Variants in SDK2 observed in about 807,000 individuals in gnomAD.
SDK2 encodes sidekick cell adhesion molecule 2.
A neutral mutation model predicts 253.9 loss-of-function variants in SDK2; 105 were observed. That is an observed-to-expected ratio of 0.41 (90% confidence interval 0.35 to 0.49). The LOEUF (loss-of-function observed/expected upper bound fraction) is 0.49. SDK2 is among the 20% of genes least tolerant of loss of function. The pLI, the probability that SDK2 is intolerant of heterozygous loss-of-function variation, is 0.06. For missense variants in SDK2, 2,608 were observed against 3,003.0 expected (o/e 0.87, Z 3.07); for synonymous variants, 1,249 against 1,234.9 (o/e 1.01, Z -0.24).
chr17:73,572,804 T>C (rs1037474452), intron 1 of SDK2, among the ~76,000 whole-genome samples: 3 of 152,190 alleles, frequency 2.0e-5, no homozygotes, highest in African/African-American at 7.2e-5. Flanking sequence ...TCATGACTGA[T>C]GTGTCTTCCA....
At position 73,401,989 on chromosome 17, in the gene SDK2, G is replaced by A. The variant is rs1362307292; in HGVS notation, c.2637C>T (p.Asp879=). The A allele has an allele frequency of 9.3e-6, 15 of 1,613,272 alleles. No individual in the cohort carries two copies. The East Asian group carries it at 2.2e-4, about 24-fold the overall frequency. Residue 879 remains aspartate, a synonymous_variant, in exon 19 of 45, where the codon GAC becomes GAT. Transcript: ENST00000392650. ...CCAGCTGCGGGGTGCTGCGTGGCCC[G>A]TCCCCGGGGGTGGTGAAACACAGCA... is the stretch of plus-strand genomic sequence containing the variant. The part of the protein sequence containing the change: ...TSVLCFTTPG[D]GPRSTPQLVR...
At chr17:73,563,071 C>T (rs1297073999) in intron 1 of SDK2, among the ~76,000 whole-genome samples, 1 of 152,214 alleles carries the variant, frequency 6.6e-6, no homozygotes, top group Non-Finnish European at 1.5e-5. Context: ...TGCCGCCCCA[C>T]CCTGGTCCTC....
chr17:73,539,668 G>A (rs2044834264), intron 1 of SDK2, among the ~76,000 whole-genome samples: 1 of 152,226 alleles, frequency 6.6e-6, no homozygotes, highest in South Asian at 2.1e-4. Context: ...ATACAGTGAA[G>A]CCCTCAGTCC....
rs747167430 is a variant in SDK2, at chr17:73,447,621, C to T, written c.607G>A (p.Val203Met). 102 of 1,551,824 alleles carry T rather than the reference C, an allele frequency of 6.6e-5. No homozygotes were observed. The highest frequency in any genetic ancestry group is 8.5e-5 in the Non-Finnish European group (98 of 1,147,064). ...CGGCCCTGTGCGTACTTACTCTCCA[C>T]GGTGAGCGTGATGGGCTGGCTGGTC... ...NKTSQPITLT[V>M]ENVGGPADPI... Residue 203 changes from valine (V) to methionine (M), a missense_variant, in exon 5 of 45, where the codon GTG becomes ATG. Physicochemically the swap from Val to Met is conservative, Grantham distance 21. Coordinates refer to ENST00000392650, the MANE Select transcript of SDK2 (RefSeq NM_001144952.2). The surrounding 1 kb of genome is among the most constrained non-coding windows in gnomAD (Gnocchi z 4.0).
chr17:73,413,205 G>A (rs903948841), intron 18 of SDK2, among the ~76,000 whole-genome samples: 2 of 151,938 alleles, frequency 1.3e-5, no homozygotes, highest in Non-Finnish European at 2.9e-5. Context: ...TCACAGGAGC[G>A]TGAACCCTGC....
chr17:73,514,429 G>T (rs1269427743), intron 1 of SDK2, among the ~76,000 whole-genome samples: 1 of 152,116 alleles, frequency 6.6e-6, no homozygotes, highest in Non-Finnish European at 1.5e-5. Context: ...CCCCTTCTCT[G>T]CAAAATAATG....
At chr17:73,425,961 T>C (rs1409930739) in intron 12 of SDK2, among the ~76,000 whole-genome samples, 1 of 152,180 alleles carries the variant, frequency 6.6e-6, no homozygotes, top group Non-Finnish European at 1.5e-5. Flanking sequence ...CAGTAACAGT[T>C]AGCCTTTGTT....
intron 1 of SDK2, among the ~76,000 whole-genome samples, chr17:73,611,137 A>G (rs1440470833): frequency 6.6e-6 from 1 of 152,200 alleles, no homozygotes; most frequent in Non-Finnish European, 1.5e-5. Flanking sequence ...GGTGCCACGC[A>G]GGCTCACACA....
chr17:73,432,741 G>A (rs1052342555), intron 10 of SDK2, among the ~76,000 whole-genome samples: 18 of 149,944 alleles, frequency 1.2e-4, no homozygotes, highest in African/African-American at 3.9e-4. Context: ...GGGGCTTGCC[G>A]GTGTGAAGGA....
Position 73,352,403 on chromosome 17 carries a change from G to T in SDK2, c.5758+70C>A. 6.5e-7 allele frequency: 1 copy of T among 1,536,190 alleles called. No homozygotes were observed. The highest frequency in any genetic ancestry group is 8.8e-7 in the Non-Finnish European group (1 of 1,136,942). On this transcript the variant is annotated intron_variant, in intron 41 of 44. Transcript: ENST00000392650. The surrounding 1 kb of genome is among the most constrained non-coding windows in gnomAD (Gnocchi z 4.1). Reference sequence around the variant, plus strand: ...GTGCCCTGGTGCCTCTCCTCCTTCCGCCCTGCCCAGTGTCAGCCCCCAGGC... The same window carrying T: ...GTGCCCTGGTGCCTCTCCTCCTTCCTCCCTGCCCAGTGTCAGCCCCCAGGC...
Position 73,440,817 on chromosome 17 carries a change from A to T in SDK2, c.720T>A (p.Asn240Lys). 1.9e-6 allele frequency: 3 copies of T among 1,550,476 alleles called. No homozygotes were observed. Among genetic ancestry groups the T allele is most frequent in the Non-Finnish European group, 2.6e-6 (3 of 1,145,890 alleles). Residue 240 changes from asparagine (N) to lysine (K), a missense_variant, in exon 6 of 45, where the codon AAT (asparagine) becomes AAA (lysine). Around this residue, in one of 2 missense-constraint regions of SDK2, gnomAD observed 1,505 missense variants for 1,859.1 expected, o/e 0.81. Coordinates refer to ENST00000392650, the MANE Select transcript of SDK2 (RefSeq NM_001144952.2). ...TSEVTLECVANARPLIKLHII... is the reference protein window; with the variant it reads ...TSEVTLECVAKARPLIKLHII... ...AGGGAAGATGCACTACCTACCTGGC[A>T]TTGGCCACACACTCCAAGGTAACCT...
At position 73,438,172 on chromosome 17, in the gene SDK2, A is replaced by AGGCC. The variant is rs1567773304; in HGVS notation, c.726-22_726-19dup. 11 of 1,545,132 alleles carry AGGCC rather than the reference A, an allele frequency of 7.1e-6. No individual in the cohort carries two copies. The East Asian group carries it at 9.8e-5, about 14-fold the overall frequency. ...TCAGGGGCCTGCAGAGGGCAAGGGA[A>AGGCC]GGCCAGTGTTCAGCCATGAGGACTC... On this transcript the variant is annotated intron_variant, in intron 6 of 44. Coordinates refer to ENST00000392650, the MANE Select transcript of SDK2 (RefSeq NM_001144952.2).
In SDK2 at chr17:73,467,764, G is replaced by T. The variant is rs1454871836; in HGVS notation, c.331+4348C>A. 6.6e-6 allele frequency among the ~76,000 whole-genome samples: 1 copy of T among 152,158 alleles called. No homozygotes were observed. Among genetic ancestry groups the T allele is most frequent in the African/African-American group, 2.4e-5 (1 of 41,424 alleles). On this transcript the variant is annotated intron_variant, in intron 3 of 44. Coordinates refer to ENST00000392650, the MANE Select transcript of SDK2 (RefSeq NM_001144952.2). This position sits in a 1 kb window ranked among gnomAD's most constrained non-coding sequence, Gnocchi z 4.1. ...GGCTTTTCTAACTTCCTGGCTTTAG[G>T]GCCCAAAGGGCTGTGGACTGTGGTT...
intron 1 of SDK2, among the ~76,000 whole-genome samples, chr17:73,510,413 C>T (rs1313853569): frequency 6.6e-6 from 1 of 152,202 alleles, no homozygotes; most frequent in Non-Finnish European, 1.5e-5. Flanking sequence ...GAGGGGCAAA[C>T]CTGAGGGTGG....
rs1291854747 is a variant in SDK2, at chr17:73,350,292, T to C, written c.5983A>G (p.Asn1995Asp). The C allele has an allele frequency of 6.2e-7, 1 of 1,600,774 alleles. No homozygotes were observed. Among genetic ancestry groups the C allele is most frequent in the Non-Finnish European group, 8.5e-7 (1 of 1,174,400 alleles). ...GAGTTCTTGACGGAGAGCCGCCTGTTGTTGAGTTCCAGGGCAGGGAAGCTG... is the reference window on the plus strand; with the variant it reads ...GAGTTCTTGACGGAGAGCCGCCTGTCGTTGAGTTCCAGGGCAGGGAAGCTG... ...ESSFPALELN[N>D]RRLSVKNSFC... Residue 1995 changes from asparagine (N) to aspartate (D), a missense_variant, in exon 43 of 45, where the codon AAC becomes GAC. Coordinates refer to ENST00000392650, the MANE Select transcript of SDK2 (RefSeq NM_001144952.2).
At chr17:73,551,868 C>A (rs2145837918) in intron 1 of SDK2, among the ~76,000 whole-genome samples, 1 of 152,284 alleles carries the variant, frequency 6.6e-6, no homozygotes, top group South Asian at 2.1e-4. Flanking sequence ...CATCTGGAGA[C>A]CCAACTCCAG....
At chr17:73,358,531 C>T (rs1183210524) in intron 39 of SDK2, among the ~76,000 whole-genome samples, 1 of 152,178 alleles carries the variant, frequency 6.6e-6, no homozygotes, top group Non-Finnish European at 1.5e-5. Context: ...TTGATCAATT[C>T]ACATAGCCTT....
intron 1 of SDK2, among the ~76,000 whole-genome samples, chr17:73,513,252 TC>T (rs1323270670): frequency 6.6e-6 from 1 of 151,960 alleles, no homozygotes; most frequent in Non-Finnish European, 1.5e-5. Context: ...ATAGAAATGT[TC>T]CCACAAATCA....
intron 1 of SDK2, among the ~76,000 whole-genome samples, chr17:73,547,957 C>A (rs2044991516): frequency 6.6e-6 from 1 of 152,206 alleles, no homozygotes; most frequent in African/African-American, 2.4e-5. Flanking sequence ...GGGGAAGAAG[C>A]AAGCATGTCT....
Sources: allele counts gnomAD v4.1 joint callset (sites outside exome capture counted in the v4.1 genomes callset), GRCh38; gene constraint gnomAD v4.1.1; regional missense constraint gnomAD v4.1.1; non-coding constraint Gnocchi (gnomAD v3.1); transcripts MANE v1.5; gene names NCBI Gene and HGNC (gene_info 2026-07-23, HGNC 2026-07-21).